Variants in AZGP1 observed in about 807,000 individuals in gnomAD.
AZGP1 encodes zinc-alpha-2-glycoprotein.
In AZGP1, 28 loss-of-function variants were observed where a neutral mutation model predicts 31.5. The observed-to-expected ratio is 0.89, with a 90% CI of 0.66 to 1.22. AZGP1 has a LOEUF of 1.22. Among genes scored for constraint, AZGP1 ranks in the 50% most tolerant of loss-of-function variants. The pLI is 0.00. For synonymous variants in AZGP1, 135 were observed against 145.4 expected, an observed-to-expected ratio of 0.93 and a Z score of 0.51; for missense variants, 361 against 371.8, an observed-to-expected ratio of 0.97 and a Z score of 0.24.
At chr7:99,974,611 T>A (rs550600061) in intron 1 of AZGP1, among the ~76,000 whole-genome samples, 5 of 152,038 alleles carry the variant, frequency 3.3e-5, no homozygotes, top group Admixed American at 3.3e-4. Flanking sequence ...AAATAAATAA[T>A]CAAATACTTT....
At chr7:99,967,953 T>C in intron 3 of AZGP1, 1 of 761,690 alleles carries the variant, frequency 1.3e-6, no homozygotes, top group Non-Finnish European at 2.1e-6. Flanking sequence ...CCTGGCCCAT[T>C]CTGCCTGAAA....
chr7:99,972,866 C>T (rs1789601588), intron 1 of AZGP1, among the ~76,000 whole-genome samples: 1 of 151,874 alleles, frequency 6.6e-6, no homozygotes, highest in African/African-American at 2.4e-5. Flanking sequence ...GCCTGTAATC[C>T]CAGCACTTTA....
rs1455101736 is a variant in AZGP1 at position 99,975,927 on chromosome 7, C to T, written c.76+18G>A. 10 of 1,613,742 alleles carry T rather than the reference C, an allele frequency of 6.2e-6. No individual in the cohort carries two copies. In the East Asian group the frequency reaches 1.3e-4, roughly 22 times the overall value. On this transcript the variant is annotated intron_variant, in intron 1 of 3. Transcript: ENST00000292401. ...TTCCAGTCCTCTCCAGCACCCATCC[C>T]TTGCTTTCCCCACTCACCATCTTGG...
Position 99,968,404 on chromosome 7 carries a change from C to G in AZGP1, c.364G>C (p.Gly122Arg). The change falls in exon 3 of 4, where the codon GGT becomes CGT. Residue 122 changes from glycine (G) to arginine (R), a missense_variant. Transcript: ENST00000292401. ...CTTCTGTTATTCTCGATCTCACAACCAAACCTTCCCTGCAATACGTGAGAC... is the reference window on the plus strand; with the variant it reads ...CTTCTGTTATTCTCGATCTCACAACGAAACCTTCCCTGCAATACGTGAGAC... ...NGSHVLQGRF[G>R]CEIENNRSSG... 6.2e-7 allele frequency: 1 copy of G among 1,613,894 alleles called. No individual in the cohort carries two copies. The highest frequency in any genetic ancestry group is 2.2e-5 in the East Asian group (1 of 44,848).
intron 2 of AZGP1, among the ~76,000 whole-genome samples, chr7:99,969,002 A>G (rs1353514890): frequency 7.7e-6 from 1 of 129,462 alleles, no homozygotes; most frequent in Non-Finnish European, 1.6e-5. Context: ...CACCAGGCCC[A>G]GTGGCTCACA....
chr7:99,974,195 A>G (rs1789622553), intron 1 of AZGP1, among the ~76,000 whole-genome samples: 1 of 152,164 alleles, frequency 6.6e-6, no homozygotes, highest in African/African-American at 2.4e-5. Context: ...GTTTGCAGTA[A>G]GCCAAGATCA....
intron 2 of AZGP1, chr7:99,971,510 C>T (rs1027650900): frequency 1.9e-6 from 1 of 525,368 alleles, no homozygotes; most frequent in Admixed American, 3.4e-5. Flanking sequence ...AGTGACTCTG[C>T]CATCACTTCC....
intron 3 of AZGP1, 195 bp downstream of exon 3, chr7:99,967,960 G>A: frequency 1.2e-6 from 1 of 820,552 alleles, no homozygotes; most frequent in Non-Finnish European, 1.9e-6. Context: ...CATTCTGCCT[G>A]AAATTTTGAT....
Position 99,968,444 on chromosome 7 carries a change from C to T in AZGP1, c.338-14G>A, listed in dbSNP as rs759146251. On this transcript the variant is annotated splice_polypyrimidine_tract_variant and intron_variant, in intron 2 of 3. Transcript: ENST00000292401. ...ATACGTGAGACCCTGAAAACTCCCC[C>T]GACCCCACAGAGAGACAGTCAGCCT... 4.3e-6 allele frequency: 7 copies of T among 1,611,582 alleles called. No individual in the cohort carries two copies. The Admixed American group carries it at 5.1e-5, about 12-fold the overall frequency.
intron 3 of AZGP1, 103 bp from the exon 4 acceptor site, chr7:99,967,389 G>A (rs535748742): frequency 9.0e-6 from 12 of 1,334,636 alleles, no homozygotes; most frequent in South Asian, 5.8e-5. Flanking sequence ...AGCAGAGCTC[G>A]AAGCTCTGTA....
intron 1 of AZGP1, among the ~76,000 whole-genome samples, chr7:99,972,313 T>C (rs1380389377): frequency 6.6e-6 from 1 of 152,192 alleles, no homozygotes; most frequent in Non-Finnish European, 1.5e-5. Flanking sequence ...CAAAAGAGAA[T>C]GTGAGCAGAA....
intron 3 of AZGP1, 181 bp from the exon 4 acceptor site, chr7:99,967,467 C>T (rs1789503726): frequency 3.0e-6 from 2 of 657,104 alleles, no homozygotes; most frequent in African/African-American, 3.7e-5. Context: ...CCCTCTTGCC[C>T]AATCCCCACC....
rs897695117 is a variant in AZGP1, at chr7:99,968,412, C to T, written c.356G>A (p.Gly119Glu). ...ATTCTCGATCTCACAACCAAACCTT[C>T]CCTGCAATACGTGAGACCCTGAAAA... ...NDSNGSHVLQ[G>E]RFGCEIENNR... Residue 119 changes from glycine (G) to glutamate (E), a missense_variant, in exon 3 of 4, where the codon GGA becomes GAA. Gly to Glu is a moderately conservative substitution (Grantham distance 98). Transcript: ENST00000292401. The T allele has an allele frequency of 6.2e-7, 1 of 1,613,966 alleles. No homozygotes were observed. The highest frequency in any genetic ancestry group is 1.3e-5 in the African/African-American group (1 of 74,966).
At position 99,966,837 on chromosome 7, in the gene AZGP1, G is replaced by T; in HGVS notation, c.*166C>A. 1 of 1,059,102 alleles carries T rather than the reference G, an allele frequency of 9.4e-7. No individual in the cohort carries two copies. Among genetic ancestry groups the T allele is most frequent in the Non-Finnish European group, 1.4e-6 (1 of 738,032 alleles). The allele number at this position is 1,059,102 out of a possible 1,614,324, so 65.6% of individuals were successfully genotyped here. On this transcript the variant is annotated 3_prime_UTR_variant, in exon 4 of 4. Coordinates refer to ENST00000292401, the MANE Select transcript of AZGP1 (RefSeq NM_001185.4). ...TTTGGGTCCAAGTCTACTCAAGACA[G>T]GCATCCCAGTCTTCGGTCTCCAAAT...
intron 2 of AZGP1, among the ~76,000 whole-genome samples, chr7:99,971,382 G>GTGGC (rs1584300664): frequency 6.6e-6 from 1 of 152,218 alleles, no homozygotes; most frequent in African/African-American, 2.4e-5. Context: ...GACTTTGAGA[G>GTGGC]TGGCTCACTC....
At position 99,967,174 on chromosome 7, in the gene AZGP1, G is replaced by A. The variant is rs777083732; in HGVS notation, c.726C>T (p.Ala242=). ...PGKIDVHWTR[A]GEVQEPELRG... is the part of the protein sequence containing the mutation. Reference sequence around the variant, plus strand: ...GTAACTCAGGCTCCTGCACCTCGCCGGCCCGAGTCCAGTGCACATCAATTT... The same window carrying A: ...GTAACTCAGGCTCCTGCACCTCGCCAGCCCGAGTCCAGTGCACATCAATTT... Residue 242 remains alanine (A), a synonymous_variant, in exon 4 of 4, where the codon GCC becomes GCT. Coordinates refer to ENST00000292401, the MANE Select transcript of AZGP1 (RefSeq NM_001185.4). The A allele has an allele frequency of 1.1e-5, 18 of 1,613,982 alleles. No individual in the cohort carries two copies. The highest frequency in any genetic ancestry group is 2.2e-5 in the East Asian group (1 of 44,884).
chr7:99,967,004 T>C lies in AZGP1; in HGVS notation c.896A>G (p.Ter299TrpextTer14). The part of the protein sequence containing the change: ...QPLVVPWEAS[*>W] ...CACATTGCCTCCAACCCTTGCTTCCTAGCTGGCCTCCCAGGGCACCACGAG... is the reference window on the plus strand; with the variant it reads ...CACATTGCCTCCAACCCTTGCTTCCCAGCTGGCCTCCCAGGGCACCACGAG... Residue 299 changes from the stop codon to tryptophan, a stop_lost, in exon 4 of 4, where the codon TAG becomes TGG. Transcript: ENST00000292401. 1.2e-6 allele frequency: 2 copies of C among 1,612,610 alleles called. No homozygotes were observed. The highest frequency in any genetic ancestry group is 1.7e-6 in the Non-Finnish European group (2 of 1,178,910).
chr7:99,972,056 G>T (rs781710165), intron 1 of AZGP1, 50 bp from the exon 2 acceptor site: 4 of 1,551,576 alleles, frequency 2.6e-6, no homozygotes, highest in Admixed American at 1.9e-5. Flanking sequence ...GGGTCCCACT[G>T]TGGGGCTGCA....
chr7:99,967,426 T>A lies in AZGP1; in HGVS notation c.614-140A>T, dbSNP rs1359194351. 48 of 959,082 alleles carry A rather than the reference T, an allele frequency of 5.0e-5. No individual in the cohort carries two copies. The Middle Eastern group carries it at 1.3e-3, about 27-fold the overall frequency. 59.4% of individuals were successfully genotyped at this position (959,082 alleles called of 1,614,324 possible). A position where few individuals can be genotyped will look rare whatever the true frequency, so the allele number is the denominator to read the frequency against. On this transcript the variant is annotated intron_variant, in intron 3 of 3. Coordinates refer to ENST00000292401, the MANE Select transcript of AZGP1 (RefSeq NM_001185.4). ...CTGCCCACCCCCAGCCCCGGGAGACTTTCCAGAATATCAGGGAAGGCTGAC... is the reference window on the plus strand; with the variant it reads ...CTGCCCACCCCCAGCCCCGGGAGACATTCCAGAATATCAGGGAAGGCTGAC...
Sources: gnomAD v4.1 joint callset for allele counts (sites outside exome capture counted in the v4.1 genomes callset) on GRCh38, gnomAD v4.1.1 for gene constraint, MANE v1.5 for transcripts, NCBI Gene and HGNC (gene_info 2026-07-23, HGNC 2026-07-21) for gene names.